ATAD3C: variants seen among roughly 807,000 people sequenced by gnomAD.
The protein encoded by ATAD3C is ATPase family AAA domain containing 3C.
ATAD3C carries 38 observed loss-of-function variants against 46.3 expected under a neutral mutation model. The observed-to-expected ratio is 0.82, with a 90% CI of 0.63 to 1.08. The LOEUF is 1.08. Among genes scored for constraint, ATAD3C ranks in the 50% least tolerant of loss-of-function variants. ATAD3C has a pLI of 0.00. For missense variants in ATAD3C, 563 were observed against 572.7 expected (o/e 0.98, Z 0.17); for synonymous variants, 220 against 236.4 (o/e 0.93, Z 0.63).
chr1:1,460,021 C>CTG (rs770963839), intron 9 of ATAD3C, among the ~76,000 whole-genome samples: 36,359 of 151,342 alleles, frequency 0.24, 8,549 homozygotes, highest in East Asian at 0.6. Flanking sequence ...TGCTGAGCCT[C>CTG]CAGTGAACCC....
Position 1,462,702 on chromosome 1 carries a change from C to T in ATAD3C, c.1083C>T (p.Ser361=). The change falls in exon 11 of 12, where the codon TCC becomes TCT. Residue 361 remains serine (S), a synonymous_variant. Coordinates refer to ENST00000378785, the MANE Select transcript of ATAD3C (RefSeq NM_001039211.3). This position sits in a 1 kb window ranked among gnomAD's most constrained non-coding sequence, Gnocchi z 4.5. ...GGAAGATCGCACAGCTGGCCGTGTC[C>T]TGGCAGGTGAGTCAGGCTCGGGTGC... ...SCRKIAQLAV[S]WQATAYASKD... 1 of 1,602,332 alleles carries T rather than the reference C, an allele frequency of 6.2e-7. No homozygotes were observed. Among genetic ancestry groups the T allele is most frequent in the Non-Finnish European group, 8.5e-7 (1 of 1,174,970 alleles).
At position 1,462,665 on chromosome 1, in the gene ATAD3C, G is replaced by A. The variant is rs1332670785; in HGVS notation, c.1046G>A (p.Gly349Asp). The change falls in exon 11 of 12, where the codon GGC (glycine) becomes GAC (aspartate). Residue 349 changes from glycine (G) to aspartate (D), a missense_variant. By Grantham distance (94) the Gly-to-Asp change is moderately conservative. This residue lies in a region of ATAD3C where 273 missense variants were observed against 253.5 expected (regional missense o/e 1.08). Transcript: ENST00000378785. This position sits in a 1 kb window ranked among gnomAD's most constrained non-coding sequence, Gnocchi z 4.5. ...KCLEIARLTEGMSCRKIAQLA... is the reference protein window; with the variant it reads ...KCLEIARLTEDMSCRKIAQLA... ...TTAGAGATCGCTCGGCTGACAGAGGGCATGTCATGCCGGAAGATCGCACAG... is the reference window on the plus strand; with the variant it reads ...TTAGAGATCGCTCGGCTGACAGAGGACATGTCATGCCGGAAGATCGCACAG... 2.5e-6 allele frequency: 4 copies of A among 1,606,838 alleles called. No homozygotes were observed. The East Asian group carries it at 6.7e-5, about 27-fold the overall frequency.
intron 4 of ATAD3C, among the ~76,000 whole-genome samples, chr1:1,455,242 AAC>A (rs1403833722): frequency 1.4e-5 from 2 of 144,384 alleles, no homozygotes; most frequent in African/African-American, 5.3e-5. Context: ...AAAAAAAAAA[AAC>A]CCAGAAAAAA....
intron 10 of ATAD3C, 44 bp downstream of exon 10, chr1:1,460,961 C>G: frequency 1.9e-6 from 3 of 1,562,260 alleles, no homozygotes; most frequent in Non-Finnish European, 2.6e-6. Flanking sequence ...GGCCCTCGCT[C>G]AGGGTCCACC....
Position 1,455,538 on chromosome 1 carries a change from G to A in ATAD3C, c.438+19G>A. 1 of 1,612,356 alleles carries A rather than the reference G, an allele frequency of 6.2e-7. No homozygotes were observed. Among genetic ancestry groups the A allele is most frequent in the Non-Finnish European group, 8.5e-7 (1 of 1,179,522 alleles). ...GCTTAGTGTAAGTCGGTGTGCCTGG[G>A]ACCGGGGAGGCGCAGGGAGGGGACC... is the stretch of plus-strand genomic sequence containing the variant. On this transcript the variant is annotated intron_variant, in intron 5 of 11. Transcript: ENST00000378785.
rs754693103 is a variant in ATAD3C, at chr1:1,454,317, G to C, written c.223-28G>C. ...TAGGAGGGAGGGACGGTGGGGGCCG[G>C]TGCGCCAGTGCGGTGTCTCTGCTGC... is the stretch of plus-strand genomic sequence containing the variant. On this transcript the variant is annotated intron_variant, in intron 3 of 11. Coordinates refer to ENST00000378785, the MANE Select transcript of ATAD3C (RefSeq NM_001039211.3). 9 of 1,585,606 alleles carry C rather than the reference G, an allele frequency of 5.7e-6. No individual in the cohort carries two copies. The East Asian group carries it at 1.6e-4, about 29-fold the overall frequency.
At chr1:1,456,008 A>AC (rs1160845636) in intron 6 of ATAD3C, 92 bp downstream of exon 6, 15 of 1,580,860 alleles carry the variant, frequency 9.5e-6, no homozygotes, top group South Asian at 4.5e-5. Context: ...TGGGGAATGG[A>AC]CCCCCCTTAG....
chr1:1,461,650 G>GTCGGAATTC (rs1557780506), intron 10 of ATAD3C, among the ~76,000 whole-genome samples: 28 of 111,806 alleles, frequency 2.5e-4, no homozygotes, highest in African/African-American at 1.3e-3. Context: ...TGTAGGGACT[G>GTCGGAATTC]GAGGGAGAGG....
chr1:1,457,431 A>G (rs1037639595), intron 8 of ATAD3C, among the ~76,000 whole-genome samples: 6 of 151,290 alleles, frequency 4.0e-5, no homozygotes, highest in Admixed American at 1.3e-4. Flanking sequence ...CGTCTCTACT[A>G]AAAATACAAA....
chr1:1,465,132 C>T (rs185676451), intron 11 of ATAD3C, among the ~76,000 whole-genome samples: 4 of 151,512 alleles, frequency 2.6e-5, no homozygotes, highest in South Asian at 4.2e-4. Flanking sequence ...GTGATCTGCC[C>T]GCCTCAGCCT....
chr1:1,455,742 C>T (rs764565395), intron 5 of ATAD3C, 49 bp from the exon 6 acceptor site: 4 of 1,609,148 alleles, frequency 2.5e-6, no homozygotes, highest in South Asian at 2.2e-5. Flanking sequence ...GCCCCCGAGG[C>T]TTCTGTGGGT....
rs1638827064 is a variant in ATAD3C, at chr1:1,449,993, T to C, written c.-691T>C. Reference sequence around the variant, plus strand: ...ATTCTTTCATTTTCTTGCCCGCACGTTCTTGATAGCAGATCACTGACAACA... The same window carrying C: ...ATTCTTTCATTTTCTTGCCCGCACGCTCTTGATAGCAGATCACTGACAACA... On this transcript the variant is annotated 5_prime_UTR_variant, in exon 1 of 12. Transcript: ENST00000378785. 1 of 151,980 alleles carries C rather than the reference T, an allele frequency of 6.6e-6. No homozygotes were observed. Among genetic ancestry groups the C allele is most frequent in the African/African-American group, 2.4e-5 (1 of 41,398 alleles). The allele number at this position is 151,980 out of a possible 1,614,324, so 9.4% of individuals were successfully genotyped here.
At chr1:1,457,655 G>GTTTGGCT (rs1001913098) in intron 8 of ATAD3C, among the ~76,000 whole-genome samples, 2 of 150,552 alleles carry the variant, frequency 1.3e-5, no homozygotes, top group Non-Finnish European at 3.0e-5. Flanking sequence ...TAAAGTTAAG[G>GTTTGGCT]TTTGGCTTTT....
intron 11 of ATAD3C, among the ~76,000 whole-genome samples, chr1:1,464,447 G>A (rs1328257212): frequency 6.6e-6 from 1 of 151,804 alleles, no homozygotes; most frequent in Non-Finnish European, 1.5e-5. Context: ...GAGCCAACAC[G>A]CCCAGCACCA....
chr1:1,452,534 C>T, intron 3 of ATAD3C, 100 bp downstream of exon 3: 1 of 1,579,066 alleles, frequency 6.3e-7, no homozygotes, highest in Middle Eastern at 2.0e-4. Context: ...CTGCACAGGT[C>T]CTGGCGCTCT....
rs1407661140 is a variant in ATAD3C, at chr1:1,468,474, A to G, written c.1180A>G (p.Met394Val). The G allele has an allele frequency of 6.2e-7, 1 of 1,612,492 alleles. No homozygotes were observed. Among genetic ancestry groups the G allele is most frequent in the Non-Finnish European group, 8.5e-7 (1 of 1,179,286 alleles). ...CTTTGTCCAGCAGCACCAGCAGATGATGCGCTGGCTGAAGGGGGAGAGGCC... is the reference window on the plus strand; with the variant it reads ...CTTTGTCCAGCAGCACCAGCAGATGGTGCGCTGGCTGAAGGGGGAGAGGCC... Reference protein sequence around the residue: ...QDFVQQHQQMMRWLKGERPGP... With the variant: ...QDFVQQHQQMVRWLKGERPGP... Residue 394 changes from methionine to valine, a missense_variant, in exon 12 of 12, where the codon ATG becomes GTG. This residue lies in a region of ATAD3C where 273 missense variants were observed against 253.5 expected (regional missense o/e 1.08). Coordinates refer to ENST00000378785, the MANE Select transcript of ATAD3C (RefSeq NM_001039211.3).
intron 7 of ATAD3C, among the ~76,000 whole-genome samples, chr1:1,456,915 G>A (rs1484515484): frequency 2.0e-5 from 3 of 151,918 alleles, no homozygotes; most frequent in East Asian, 3.9e-4. Flanking sequence ...GGCCACCAGC[G>A]CTGCACTGGG....
Position 1,454,380 on chromosome 1 carries a change from C to T in ATAD3C, c.258C>T (p.Tyr86=). 6.2e-6 allele frequency: 10 copies of T among 1,601,840 alleles called. No individual in the cohort carries two copies. The highest frequency in any genetic ancestry group is 7.7e-6 in the Non-Finnish European group (9 of 1,176,152). Residue 86 remains tyrosine, a synonymous_variant, in exon 4 of 12, where the codon TAC becomes TAT. Transcript: ENST00000378785. ...TGACGCTGCTGGCTGTCGGGGTCTA[C>T]TCAGCCAAGAATGCGACAGCCGTCA... ...AGLTLLAVGV[Y]SAKNATAVTG... is the part of the protein sequence containing the mutation.
chr1:1,455,723 G>A (rs1023675965), intron 5 of ATAD3C, 68 bp from the exon 6 acceptor site: 24 of 1,598,710 alleles, frequency 1.5e-5, no homozygotes, highest in Middle Eastern at 1.7e-4. Context: ...AGGCATTCTC[G>A]CAGCCCCTGC....
Sources: gnomAD v4.1 joint callset for allele counts (sites outside exome capture counted in the v4.1 genomes callset) on GRCh38, gnomAD v4.1.1 for gene constraint, gnomAD v4.1.1 regional missense constraint, Gnocchi (gnomAD v3.1) non-coding constraint, MANE v1.5 for transcripts, NCBI Gene and HGNC (gene_info 2026-07-23, HGNC 2026-07-21) for gene names.